Variants in FAM13A observed in about 807,000 individuals in gnomAD.
FAM13A encodes family with sequence similarity 13 member A, also known as protein FAM13A.
FAM13A carries 76 observed loss-of-function variants against 129.6 expected under a neutral mutation model. That is an observed-to-expected ratio of 0.59 (90% CI 0.49 to 0.71). The LOEUF (loss-of-function observed/expected upper bound fraction) is 0.71. Ranked by LOEUF, FAM13A falls within the 30% of genes least tolerant of loss-of-function variation. The probability of loss-of-function intolerance (pLI) is 0.00; values close to 1 mark genes in which losing one functional copy is unlikely to be tolerated. For synonymous variants in FAM13A, 443 were observed against 449.9 expected (o/e 0.98, Z 0.20); for missense variants, 1,108 against 1,249.3 (o/e 0.89, Z 1.70).
At chr4:88,988,053 C>G (rs1341516264) in intron 4 of FAM13A, among the ~76,000 whole-genome samples, 3 of 152,034 alleles carry the variant, frequency 2.0e-5, no homozygotes, top group African/African-American at 7.2e-5. Context: ...GTGCTTAACA[C>G]CTAGGTGTTG....
intron 1 of FAM13A, among the ~76,000 whole-genome samples, chr4:89,046,175 A>G (rs773860562): frequency 3.3e-5 from 5 of 152,170 alleles, no homozygotes; most frequent in Non-Finnish European, 7.4e-5. Context: ...ACTACCAGAG[A>G]ACAAATTTTA....
intron 4 of FAM13A, among the ~76,000 whole-genome samples, chr4:88,941,998 C>A (rs1469731363): frequency 2.6e-5 from 4 of 152,074 alleles, no homozygotes; most frequent in African/African-American, 9.7e-5. Flanking sequence ...CTCTAAGACC[C>A]AAGATCCAAC....
chr4:88,796,178 C>G (rs1271134961), intron 8 of FAM13A, among the ~76,000 whole-genome samples: 2 of 151,702 alleles, frequency 1.3e-5, no homozygotes, highest in East Asian at 3.8e-4. Context: ...AGACTTTATT[C>G]TATAAATTTT....
chr4:89,016,032 C>T (rs943560420), intron 3 of FAM13A, among the ~76,000 whole-genome samples: 2 of 151,588 alleles, frequency 1.3e-5, no homozygotes, highest in East Asian at 1.9e-4. Context: ...GGAAGTATTC[C>T]ATAAGAAGGC....
At chr4:88,744,211 G>C (rs1234344028) in intron 19 of FAM13A, among the ~76,000 whole-genome samples, 1 of 152,102 alleles carries the variant, frequency 6.6e-6, no homozygotes, top group African/African-American at 2.4e-5. Context: ...TATGCTTCTG[G>C]TTCTGATCAG....
chr4:88,779,427 T>C (rs1239723510), intron 11 of FAM13A, among the ~76,000 whole-genome samples: 1 of 152,212 alleles, frequency 6.6e-6, no homozygotes, highest in Non-Finnish European at 1.5e-5. Flanking sequence ...CCCTGGCTCT[T>C]TGCTTTGTGG....
chr4:88,994,476 A>G lies in FAM13A; in HGVS notation c.428-3326T>C, dbSNP rs144115065. Among the ~76,000 whole-genome samples, 309 of 152,322 alleles carry G rather than the reference A, an allele frequency of 2.0e-3. 1 individual carries two copies. Among genetic ancestry groups the G allele is most frequent in the African/African-American group, 6.9e-3 (285 of 41,572 alleles). On this transcript the variant is annotated intron_variant, in intron 3 of 23. Coordinates refer to ENST00000264344, the MANE Select transcript of FAM13A (RefSeq NM_014883.4). The stretch of plus-strand genomic sequence containing the variant: ...CTTGTAGAAGAATGCCTAGGGTAGC[A>G]GCATGGGGGCAGTGGTGGTACAAAT...
chr4:88,821,904 C>T (rs190000663), intron 7 of FAM13A, among the ~76,000 whole-genome samples: 7 of 152,290 alleles, frequency 4.6e-5, no homozygotes, highest in Non-Finnish European at 1.5e-5. Flanking sequence ...TGTTTTATCT[C>T]ACTGTAAGTA....
intron 23 of FAM13A, chr4:88,729,735 G>A (rs1003074981): frequency 2.6e-5 from 4 of 152,108 alleles, no homozygotes; most frequent in African/African-American, 9.7e-5. Flanking sequence ...TTAAGTTAAC[G>A]TCCTCCATTG....
At chr4:88,750,817 G>T (rs1226793720) in intron 14 of FAM13A, among the ~76,000 whole-genome samples, 180 bp from the exon 15 acceptor site, 3 of 152,182 alleles carry the variant, frequency 2.0e-5, no homozygotes, top group Non-Finnish European at 4.4e-5. Context: ...TCACCAATAT[G>T]TCTGACAGCC....
intron 5 of FAM13A, among the ~76,000 whole-genome samples, chr4:88,919,919 C>T (rs6824218): frequency 0.56 from 85,789 of 151,984 alleles, 24,333 homozygotes; most frequent in Admixed American, 0.6. Context: ...CTCGGAGGGT[C>T]CTACGCCCAC....
intron 15 of FAM13A, among the ~76,000 whole-genome samples, 161 bp from the exon 16 acceptor site, chr4:88,750,070 T>C (rs924157613): frequency 1.3e-5 from 2 of 152,188 alleles, no homozygotes; most frequent in Non-Finnish European, 2.9e-5. Flanking sequence ...ACTTGAGTGA[T>C]CCATTGGAGC....
intron 3 of FAM13A, among the ~76,000 whole-genome samples, chr4:89,005,775 AAAT>A (rs1330858139): frequency 8.0e-5 from 12 of 149,192 alleles, no homozygotes; most frequent in Non-Finnish European, 1.5e-4. Context: ...TTTCTTTCCT[AAAT>A]TTGTTTAGCT....
chr4:88,968,770 A>G (rs1759686920), intron 4 of FAM13A, among the ~76,000 whole-genome samples: 1 of 152,004 alleles, frequency 6.6e-6, no homozygotes, highest in African/African-American at 2.4e-5. Context: ...AGCTTAAATC[A>G]TTGCCTGAAT....
At chr4:88,743,386 T>C (rs1252499670) in intron 19 of FAM13A, among the ~76,000 whole-genome samples, 10 of 152,220 alleles carry the variant, frequency 6.6e-5, no homozygotes. Context: ...TGCTGTTACC[T>C]GACAAAACCA....
At chr4:88,731,059 A>ACAGGTT (rs992695324) in intron 23 of FAM13A, among the ~76,000 whole-genome samples, 1 of 152,184 alleles carries the variant, frequency 6.6e-6, no homozygotes. Flanking sequence ...ATTTGATGGG[A>ACAGGTT]CAGGTTCATT....
At chr4:88,850,543 C>A (rs913342663) in intron 7 of FAM13A, among the ~76,000 whole-genome samples, 1 of 151,876 alleles carries the variant, frequency 6.6e-6, no homozygotes, top group Non-Finnish European at 1.5e-5. Context: ...GGCAACACAG[C>A]GAGACTGTGT....
intron 6 of FAM13A, among the ~76,000 whole-genome samples, chr4:88,872,436 A>G (rs932222042): frequency 6.6e-6 from 1 of 152,248 alleles, no homozygotes; most frequent in Non-Finnish European, 1.5e-5. Context: ...AAAGGGATGG[A>G]GGAAGATCTA....
chr4:88,764,481 A>C (rs1745375509), intron 13 of FAM13A, among the ~76,000 whole-genome samples: 1 of 152,228 alleles, frequency 6.6e-6, no homozygotes, highest in Non-Finnish European at 1.5e-5. Flanking sequence ...TTTTCATCAT[A>C]GAAAATAGGG....
Sources: allele counts gnomAD v4.1 joint callset (sites outside exome capture counted in the v4.1 genomes callset), GRCh38; gene constraint gnomAD v4.1.1; transcripts MANE v1.5; gene names NCBI Gene and HGNC (gene_info 2026-07-23, HGNC 2026-07-21).